Variants in C13orf46 observed in about 807,000 individuals in gnomAD.
The protein encoded by C13orf46 is uncharacterized protein C13orf46.
chr13:113,945,653 AAAG>A, the C13orf46 span, among the ~76,000 whole-genome samples: 2 of 138,192 alleles, frequency 1.4e-5, no homozygotes, highest in African/African-American at 5.3e-5. Flanking sequence ...AGAAAGAAAG[AAAG>A]AAAGAAAGAA....
At chr13:113,969,815 G>A (rs1446419252) in intron 2 of C13orf46, among the ~76,000 whole-genome samples, 1 of 152,126 alleles carries the variant, frequency 6.6e-6, no homozygotes, top group African/African-American at 2.4e-5. Context: ...TACATCTAAG[G>A]TGGGCCCAGC....
intron 6 of C13orf46, among the ~76,000 whole-genome samples, chr13:113,963,890 A>G (rs2052612920): frequency 6.6e-6 from 1 of 152,056 alleles, no homozygotes; most frequent in South Asian, 2.1e-4. Context: ...CGCTCTTGTC[A>G]CCCAGGCTGG....
At chr13:113,931,838 C>T in the C13orf46 span, among the ~76,000 whole-genome samples, 55 of 152,126 alleles carry the variant, frequency 3.6e-4, no homozygotes, top group South Asian at 1.2e-3. Context: ...AATTAAATGC[C>T]CATATTTAAG....
At position 113,973,439 on chromosome 13, in the gene C13orf46, C is replaced by T. The variant is rs746003188; in HGVS notation, c.190+369G>A. ...GGATACAAGTGACTCTCCCTCTAGT[C>T]CCCTCACGTGTAAATTGTGTGTTCA... On this transcript the variant is annotated intron_variant, in intron 1 of 6. Coordinates refer to ENST00000636427, the MANE Select transcript of C13orf46 (RefSeq NM_001365455.2). 1.3e-3 allele frequency among the ~76,000 whole-genome samples: 191 copies of T among 152,256 alleles called. 1 individual carries two copies. Among genetic ancestry groups the T allele is most frequent in the Non-Finnish European group, 2.0e-3 (133 of 68,018 alleles).
At chr13:113,938,094 G>A in the C13orf46 span, among the ~76,000 whole-genome samples, 9 of 152,204 alleles carry the variant, frequency 5.9e-5, no homozygotes, top group African/African-American at 1.9e-4. Flanking sequence ...CTGGGGTCCC[G>A]AGAATGATTT....
the C13orf46 span, among the ~76,000 whole-genome samples, chr13:113,943,191 GACAA>G: frequency 8.1e-6 from 1 of 123,238 alleles, no homozygotes; most frequent in African/African-American, 2.6e-5. Flanking sequence ...CTGAGCCCAA[GACAA>G]GTGACCGTGG....
intron 5 of C13orf46, among the ~76,000 whole-genome samples, chr13:113,965,962 A>T (rs2052638938): frequency 7.1e-6 from 1 of 141,692 alleles, no homozygotes. Context: ...GGTGATGGTG[A>T]TTATAATGTT....
chr13:113,934,285 G>T, the C13orf46 span, among the ~76,000 whole-genome samples: 2 of 152,182 alleles, frequency 1.3e-5, no homozygotes, highest in Non-Finnish European at 2.9e-5. Context: ...TCCAAATAAA[G>T]CTGCTATGAT....
chr13:113,933,482 C>T, the C13orf46 span, among the ~76,000 whole-genome samples: 1 of 152,150 alleles, frequency 6.6e-6, no homozygotes, highest in East Asian at 1.9e-4. Context: ...TTGGTTACTC[C>T]AAGTCCTGTG....
intron 4 of C13orf46, 88 bp from the exon 5 acceptor site, chr13:113,967,476 G>A (rs1024019958): frequency 1.3e-5 from 2 of 152,284 alleles, no homozygotes; most frequent in Non-Finnish European, 2.9e-5. Context: ...AGTGGCCCCT[G>A]GCCCTTGGGG....
In C13orf46 at chr13:113,968,747, C is replaced by G. The variant is rs1319673724; in HGVS notation, c.256G>C (p.Ala86Pro). ...CTGAAGCTTTCCTTCTTGTCTTGTGCTAGGTTTTTCTGACTGCGGGAGGAG... is the reference window on the plus strand; with the variant it reads ...CTGAAGCTTTCCTTCTTGTCTTGTGGTAGGTTTTTCTGACTGCGGGAGGAG... Reference protein sequence around the residue: ...AEDASCQKNLAQDKKESFSTL... With the variant: ...AEDASCQKNLPQDKKESFSTL... Residue 86 changes from alanine to proline, a missense_variant, in exon 3 of 7, where the codon GCA becomes CCA. Physicochemically the swap from Ala to Pro is conservative, Grantham distance 27. Coordinates refer to ENST00000636427, the MANE Select transcript of C13orf46 (RefSeq NM_001365455.2). The G allele has an allele frequency of 6.6e-6, 1 of 152,350 alleles. No individual in the cohort carries two copies. The highest frequency in any genetic ancestry group is 1.5e-5 in the Non-Finnish European group (1 of 68,130). 9.4% of individuals were successfully genotyped at this position (152,350 alleles called of 1,614,324 possible). A position where few individuals can be genotyped will look rare whatever the true frequency, so the allele number is the denominator to read the frequency against.
the C13orf46 span, among the ~76,000 whole-genome samples, chr13:113,937,506 T>C: frequency 1.3e-5 from 2 of 152,270 alleles, no homozygotes; most frequent in East Asian, 3.9e-4. Context: ...AACATCTCAG[T>C]AGCGTTGTAA....
At chr13:113,936,735 C>T in the C13orf46 span, among the ~76,000 whole-genome samples, 122 of 151,922 alleles carry the variant, frequency 8.0e-4, no homozygotes, top group African/African-American at 2.7e-3. Context: ...GGGGTGCAGT[C>T]GTCGGGGTGT....
intron 6 of C13orf46, among the ~76,000 whole-genome samples, chr13:113,961,305 A>C (rs1029048410): frequency 3.3e-5 from 5 of 151,926 alleles, no homozygotes; most frequent in South Asian, 2.1e-4. Context: ...TATTAATATA[A>C]TATCAGTCAT....
rs1030040076 is a variant in C13orf46, at chr13:113,953,987, G to A, written c.*2786C>T. The A allele has an allele frequency of 0.083, 12,646 of 152,582 alleles. 768 individuals carry two copies. Among genetic ancestry groups the A allele is most frequent in the Non-Finnish European group, 0.12 (8,476 of 68,214 alleles). The allele number at this position is 152,582 out of a possible 1,614,324, so 9.5% of individuals were successfully genotyped here. A position where few individuals can be genotyped will look rare whatever the true frequency, so the allele number is the denominator to read the frequency against. Reference sequence around the variant, plus strand: ...TCTGTGGTGTCTTTCAGTCAAGGGTGGGTGCTGGCTTTGGGGGGTCCCCTT... The same window carrying A: ...TCTGTGGTGTCTTTCAGTCAAGGGTAGGTGCTGGCTTTGGGGGGTCCCCTT... On this transcript the variant is annotated 3_prime_UTR_variant, in exon 7 of 7. Coordinates refer to ENST00000636427, the MANE Select transcript of C13orf46 (RefSeq NM_001365455.2).
the C13orf46 span, among the ~76,000 whole-genome samples, chr13:113,938,479 CTCTT>C: frequency 2.6e-5 from 4 of 152,210 alleles, no homozygotes; most frequent in African/African-American, 9.6e-5. Flanking sequence ...AAATTGCTCT[CTCTT>C]TGACCCGCCC....
chr13:113,932,923 G>T, the C13orf46 span, among the ~76,000 whole-genome samples: 8,801 of 151,972 alleles, frequency 0.058, 312 homozygotes, highest in African/African-American at 0.089. Context: ...GGAGTGCAGT[G>T]GCGTGGTCTT....
At chr13:113,970,772 C>T (rs1333049119) in intron 1 of C13orf46, among the ~76,000 whole-genome samples, 4 of 152,068 alleles carry the variant, frequency 2.6e-5, no homozygotes, top group Admixed American at 6.5e-5. Flanking sequence ...AGTCTTTTTT[C>T]GGGACCACTT....
the C13orf46 span, chr13:113,928,519 G>T: frequency 0.03 from 4,537 of 152,586 alleles, 115 homozygotes; most frequent in South Asian, 0.056. Context: ...AGAGGTGCAG[G>T]TTCCCAGGGA....
Sources: gnomAD v4.1 joint callset for allele counts (sites outside exome capture counted in the v4.1 genomes callset) on GRCh38, gnomAD v4.1.1 for gene constraint, MANE v1.5 for transcripts, NCBI Gene and HGNC (gene_info 2026-07-23, HGNC 2026-07-21) for gene names.